ARHGEF3: variants seen among roughly 807,000 people sequenced by gnomAD.
The protein encoded by ARHGEF3 is 59.8 kDA protein.
In ARHGEF3, 28 loss-of-function variants were observed where a neutral mutation model predicts 63.2. The ratio of observed to expected loss-of-function variants is 0.44; its 90% confidence interval spans 0.33 to 0.61. ARHGEF3 has a LOEUF of 0.61. ARHGEF3 is among the 20% of genes least tolerant of loss of function. ARHGEF3 has a pLI of 0.03. For missense variants in ARHGEF3, 533 were observed against 659.3 expected (o/e 0.81, Z 2.10); for synonymous variants, 266 against 254.2 (o/e 1.05, Z -0.44).
chr3:56,962,527 C>T (rs1170736876), intron 2 of ARHGEF3, among the ~76,000 whole-genome samples: 1 of 152,166 alleles, frequency 6.6e-6, no homozygotes, highest in African/African-American at 2.4e-5. Flanking sequence ...GGCAGCATTT[C>T]CCAGTGTCTC....
At chr3:56,750,777 C>T (rs907365289) in intron 6 of ARHGEF3, among the ~76,000 whole-genome samples, 2 of 147,838 alleles carry the variant, frequency 1.4e-5, no homozygotes, top group African/African-American at 2.5e-5. Context: ...TATTTTGATA[C>T]GAAACTAGTA....
rs78892276 is a variant in ARHGEF3, at chr3:57,005,533, T to C, written c.62+29555A>G. ...TTTGTGCAACGGGGCAATCTCAACA[T>C]GAATCACAGACTCACTGGAAGTCCT... On this transcript the variant is annotated intron_variant, in intron 2 of 12. Transcript: ENST00000338458. Among the ~76,000 whole-genome samples, 85 of 152,274 alleles carry C rather than the reference T, an allele frequency of 5.6e-4. 1 individual carries two copies. In the East Asian group the frequency reaches 0.012, roughly 21 times the overall value.
At chr3:56,847,977 C>T (rs1352850014) in intron 4 of ARHGEF3, among the ~76,000 whole-genome samples, 1 of 152,148 alleles carries the variant, frequency 6.6e-6, no homozygotes, top group African/African-American at 2.4e-5. Context: ...AGGCACAGCT[C>T]CTGCCTTTGA....
At chr3:56,999,948 T>C (rs899430786) in intron 2 of ARHGEF3, among the ~76,000 whole-genome samples, 3 of 152,186 alleles carry the variant, frequency 2.0e-5, no homozygotes, top group Non-Finnish European at 4.4e-5. Context: ...CAAGTCCTGT[T>C]TTGCTCCATA....
chr3:56,967,960 A>T (rs1231527073), intron 2 of ARHGEF3, among the ~76,000 whole-genome samples: 19 of 70,900 alleles, frequency 2.7e-4, no homozygotes, highest in Middle Eastern at 0.019. Context: ...TATATATATA[A>T]AATATATTTT....
intron 4 of ARHGEF3, among the ~76,000 whole-genome samples, chr3:56,845,620 C>T (rs1013098546): frequency 3.3e-5 from 5 of 152,176 alleles, no homozygotes; most frequent in Admixed American, 3.3e-4. Flanking sequence ...CCTTCATGAG[C>T]AAATTATCTC....
chr3:56,797,981 C>T (rs564086860), intron 1 of ARHGEF3, among the ~76,000 whole-genome samples: 1 of 152,318 alleles, frequency 6.6e-6, no homozygotes, highest in Admixed American at 6.5e-5. Context: ...ATTTTCTTTG[C>T]AGCTTTCTGC....
intron 4 of ARHGEF3, 75 bp downstream of exon 4, chr3:56,753,429 A>T (rs2034889141): frequency 4.7e-6 from 6 of 1,276,758 alleles, no homozygotes; most frequent in Non-Finnish European, 4.5e-6. Flanking sequence ...CTCACGAAGC[A>T]CCACTTTAGG....
At chr3:57,012,323 C>G (rs1294448929) in intron 2 of ARHGEF3, among the ~76,000 whole-genome samples, 1 of 152,162 alleles carries the variant, frequency 6.6e-6, no homozygotes, top group African/African-American at 2.4e-5. Flanking sequence ...CAGTGGTGTG[C>G]TCTTGGCTCA....
At chr3:57,045,907 C>G (rs1351777210) in intron 1 of ARHGEF3, among the ~76,000 whole-genome samples, 1 of 152,192 alleles carries the variant, frequency 6.6e-6, no homozygotes, top group African/African-American at 2.4e-5. Flanking sequence ...TTCATAGAAT[C>G]AACACACATC....
intron 3 of ARHGEF3, among the ~76,000 whole-genome samples, chr3:56,949,412 G>A (rs1463255034): frequency 6.8e-6 from 1 of 147,366 alleles, no homozygotes; most frequent in Non-Finnish European, 1.5e-5. Context: ...TCCTTAAGCT[G>A]ATAGGCAACT....
At chr3:56,997,995 A>G (rs960605143) in intron 2 of ARHGEF3, among the ~76,000 whole-genome samples, 5 of 152,206 alleles carry the variant, frequency 3.3e-5, no homozygotes, top group African/African-American at 1.2e-4. Context: ...AATGAGGCGG[A>G]CAAGACTTAA....
At chr3:56,927,603 C>T (rs115702144) in intron 3 of ARHGEF3, among the ~76,000 whole-genome samples, 8,772 of 152,112 alleles carry the variant, frequency 0.058, 539 homozygotes, top group African/African-American at 0.15. Flanking sequence ...AGGAGGGGAG[C>T]CCCAGGATCA....
At chr3:56,881,302 T>C (rs1208653417) in intron 4 of ARHGEF3, among the ~76,000 whole-genome samples, 1 of 152,218 alleles carries the variant, frequency 6.6e-6, no homozygotes, top group East Asian at 1.9e-4. Context: ...GTAGCTTTCA[T>C]GGTCTCCACA....
intron 1 of ARHGEF3, among the ~76,000 whole-genome samples, chr3:56,795,711 G>A (rs557145559): frequency 9.5e-5 from 14 of 148,138 alleles, no homozygotes; most frequent in South Asian, 4.3e-4. Context: ...AGTGGCGCTC[G>A]GCTCACTGCA....
chr3:56,740,802 G>T (rs1425268304), intron 7 of ARHGEF3, among the ~76,000 whole-genome samples: 1 of 152,190 alleles, frequency 6.6e-6, no homozygotes, highest in Non-Finnish European at 1.5e-5. Context: ...TGGACAGCCG[G>T]AATTAATCAG....
At chr3:56,840,107 GC>G (rs1248247688) in intron 4 of ARHGEF3, among the ~76,000 whole-genome samples, 1 of 152,214 alleles carries the variant, frequency 6.6e-6, no homozygotes, top group East Asian at 1.9e-4. Flanking sequence ...GATATTTTTA[GC>G]ACTTTGAGAC....
intron 2 of ARHGEF3, among the ~76,000 whole-genome samples, chr3:57,032,237 T>A (rs1428002948): frequency 6.6e-6 from 1 of 152,178 alleles, no homozygotes; most frequent in Non-Finnish European, 1.5e-5. Context: ...GAGGCTGCCA[T>A]CCCTAACGGT....
intron 1 of ARHGEF3, among the ~76,000 whole-genome samples, chr3:57,060,028 T>C (rs974150656): frequency 2.1e-5 from 3 of 143,468 alleles, no homozygotes; most frequent in Non-Finnish European, 3.0e-5. Flanking sequence ...AATAAATAGA[T>C]GAAGTGAGGG....
Sources: gnomAD v4.1 joint callset for allele counts (sites outside exome capture counted in the v4.1 genomes callset) on GRCh38, gnomAD v4.1.1 for gene constraint, MANE v1.5 for transcripts, NCBI Gene and HGNC (gene_info 2026-07-23, HGNC 2026-07-21) for gene names.